The following ZNF280D variants were observed in gnomAD, a reference collection of about 807,000 sequenced individuals.
ZNF280D encodes the protein suppressor of hairy wing homolog 4.
A neutral mutation model predicts 94.7 loss-of-function variants in ZNF280D; 39 were observed. The observed-to-expected ratio is 0.41, with a 90% confidence interval of 0.32 to 0.54. The LOEUF is 0.54. Ranked by LOEUF, ZNF280D falls within the 20% of genes least tolerant of loss-of-function variation. The pLI, the probability that ZNF280D is intolerant of heterozygous loss-of-function variation, is 0.22. For missense variants in ZNF280D, 1,090 were observed against 1,149.3 expected (o/e 0.95, Z 0.75); for synonymous variants, 398 against 377.6 (o/e 1.05, Z -0.63).
intron 9 of ZNF280D, among the ~76,000 whole-genome samples, chr15:56,687,047 GTTA>G (rs2056073366): frequency 6.6e-6 from 1 of 151,984 alleles, no homozygotes; most frequent in Admixed American, 6.6e-5. Context: ...CAAAATGAAA[GTTA>G]TTATAACACT....
At chr15:56,680,208 A>G (rs1374816112) in intron 10 of ZNF280D, among the ~76,000 whole-genome samples, 2 of 152,162 alleles carry the variant, frequency 1.3e-5, no homozygotes, top group African/African-American at 4.8e-5. Context: ...AGAGAAATGA[A>G]ATGTTGAGCT....
At chr15:56,673,935 C>T (rs2055044605) in intron 13 of ZNF280D, among the ~76,000 whole-genome samples, 1 of 152,032 alleles carries the variant, frequency 6.6e-6, no homozygotes, top group South Asian at 2.1e-4. Flanking sequence ...ATCTTTAGCA[C>T]TCCTCATCTT....
intron 6 of ZNF280D, chr15:56,697,899 A>G (rs1392724491): frequency 6.6e-6 from 1 of 152,222 alleles, no homozygotes; most frequent in African/African-American, 2.4e-5. Flanking sequence ...AAGCTCTTAA[A>G]TATCTAGCTT....
chr15:56,677,343 G>A (rs1349132555), intron 12 of ZNF280D, among the ~76,000 whole-genome samples: 2 of 152,148 alleles, frequency 1.3e-5, no homozygotes, highest in Non-Finnish European at 2.9e-5. Context: ...AGCACAGTAA[G>A]TCCATATGTT....
rs2054691189 is a variant in ZNF280D at position 56,669,960 on chromosome 15, TA to T, written c.1411-1004del. 9.0e-4 allele frequency among the ~76,000 whole-genome samples: 3 copies of T among 3,336 alleles called. 1 individual carries two copies. The highest frequency in any genetic ancestry group is 4.1e-3 in the African/African-American group (3 of 734). The allele number at this position is 3,336 out of a possible 152,430, so 2.2% of individuals were successfully genotyped here. A position where few individuals can be genotyped will look rare whatever the true frequency, so the allele number is the denominator to read the frequency against. ...ATTATATATATATATTATATATATA[TA>T]TTATATATATATAATATATATATTA... On this transcript the variant is annotated intron_variant, in intron 13 of 21. Transcript: ENST00000267807.
At chr15:56,718,035 A>G (rs2058139993) in intron 1 of ZNF280D, among the ~76,000 whole-genome samples, 1 of 152,138 alleles carries the variant, frequency 6.6e-6, no homozygotes, top group Non-Finnish European at 1.5e-5. Flanking sequence ...AACCCTTCCA[A>G]CCCTAAAATA....
chr15:56,702,337 C>T (rs1308846804), intron 4 of ZNF280D, among the ~76,000 whole-genome samples: 1 of 152,066 alleles, frequency 6.6e-6, no homozygotes, highest in South Asian at 2.1e-4. Context: ...CAAGTTTTTG[C>T]CCTCCTTTCT....
rs756324977 is a variant in ZNF280D, at chr15:56,668,871, T to A, written c.1497A>T (p.Arg499=). Residue 499 remains arginine, a synonymous_variant, in exon 14 of 22, where the codon CGA becomes CGT. Coordinates refer to ENST00000267807, the MANE Select transcript of ZNF280D (RefSeq NM_017661.4). ...EKMDHKTQHH[R]TFIKPKQLEG... is the part of the protein sequence containing the mutation. Reference sequence around the variant, plus strand: ...CTAGTTGTTTAGGTTTTATAAATGTTCGATGGTGTTGAGTCTTATGATCCA... The same window carrying A: ...CTAGTTGTTTAGGTTTTATAAATGTACGATGGTGTTGAGTCTTATGATCCA... 1.2e-6 allele frequency: 2 copies of A among 1,611,660 alleles called. No homozygotes were observed. The highest frequency in any genetic ancestry group is 1.1e-5 in the South Asian group (1 of 90,634).
At chr15:56,733,178 A>G (rs531979721) in intron 1 of ZNF280D, among the ~76,000 whole-genome samples, 2 of 152,324 alleles carry the variant, frequency 1.3e-5, no homozygotes, top group South Asian at 4.1e-4. Flanking sequence ...GAGGTGGCGG[A>G]GGAGCAGAAG....
chr15:56,686,576 C>T (rs1339234695), intron 9 of ZNF280D, among the ~76,000 whole-genome samples: 2 of 152,076 alleles, frequency 1.3e-5, no homozygotes, highest in Admixed American at 6.5e-5. Context: ...CAATCCAGGA[C>T]AGATCAAGTG....
chr15:56,655,438 C>T (rs1405422505), intron 17 of ZNF280D, among the ~76,000 whole-genome samples: 1 of 27,500 alleles, frequency 3.6e-5, no homozygotes, highest in Non-Finnish European at 7.0e-5. Context: ...GAACTCCTGA[C>T]CTTGTGATCA....
intron 16 of ZNF280D, among the ~76,000 whole-genome samples, chr15:56,662,737 T>C (rs1251091576): frequency 2.9e-4 from 44 of 151,130 alleles, no homozygotes; most frequent in Admixed American, 2.8e-3. Flanking sequence ...GGCAGGAGAA[T>C]TGCGTGAACC....
intron 6 of ZNF280D, among the ~76,000 whole-genome samples, chr15:56,697,329 C>T (rs1232643772): frequency 5.9e-5 from 9 of 152,180 alleles, no homozygotes; most frequent in African/African-American, 2.2e-4. Context: ...GGATTACAGG[C>T]GCCCACCACC....
At chr15:56,661,677 C>T (rs1277860596) in intron 16 of ZNF280D, among the ~76,000 whole-genome samples, 4 of 151,924 alleles carry the variant, frequency 2.6e-5, no homozygotes, top group African/African-American at 7.3e-5. Flanking sequence ...TCATCTTTAC[C>T]TCCTCCGTAC....
chr15:56,652,327 C>A (rs532483927), intron 19 of ZNF280D, among the ~76,000 whole-genome samples: 3 of 152,076 alleles, frequency 2.0e-5, no homozygotes, highest in South Asian at 4.1e-4. Context: ...GTATAGTAAC[C>A]TTTTCATTGT....
intron 3 of ZNF280D, 70 bp downstream of exon 3, chr15:56,707,012 A>T: frequency 6.8e-7 from 1 of 1,474,950 alleles, no homozygotes; most frequent in Non-Finnish European, 9.4e-7. Flanking sequence ...CCCAACTTTC[A>T]TCCTTTCTCC....
At chr15:56,721,694 A>G (rs2058369410) in intron 1 of ZNF280D, among the ~76,000 whole-genome samples, 1 of 152,178 alleles carries the variant, frequency 6.6e-6, no homozygotes, top group African/African-American at 2.4e-5. Flanking sequence ...CATAGATCTG[A>G]AGAGAGTAGG....
chr15:56,641,928 TTC>T (rs2140550363), intron 20 of ZNF280D, among the ~76,000 whole-genome samples: 1 of 151,888 alleles, frequency 6.6e-6, no homozygotes, highest in Admixed American at 6.6e-5. Context: ...TAATACTGCA[TTC>T]TGTGTATTTA....
intron 19 of ZNF280D, among the ~76,000 whole-genome samples, chr15:56,651,175 G>C (rs2053182888): frequency 6.6e-6 from 1 of 152,194 alleles, no homozygotes; most frequent in African/African-American, 2.4e-5. Context: ...AAGAGGCAAA[G>C]TGTTTTGCCA....
Sources: gnomAD v4.1 joint callset for allele counts (sites outside exome capture counted in the v4.1 genomes callset) on GRCh38, gnomAD v4.1.1 for gene constraint, MANE v1.5 for transcripts, NCBI Gene and HGNC (gene_info 2026-07-23, HGNC 2026-07-21) for gene names.